RANBP17: variants seen among roughly 807,000 people sequenced by gnomAD.
The protein encoded by RANBP17 is RAN binding protein 17, also known as ran-binding protein 17.
Under a neutral mutation model 141.2 loss-of-function variants are expected in RANBP17, and 158 were observed. That is an observed-to-expected ratio of 1.12 (90% CI 0.98 to 1.28). The LOEUF (loss-of-function observed/expected upper bound fraction) is 1.28, where lower values mean the gene tolerates loss of function less well. RANBP17 is among the 50% of genes most tolerant of loss of function. The pLI, the probability that RANBP17 is intolerant of heterozygous loss-of-function variation, is 0.00. For missense variants in RANBP17, 1,438 were observed against 1,290.7 expected, an observed-to-expected ratio of 1.11 and a Z score of -1.75; for synonymous variants, 430 against 450.0, an observed-to-expected ratio of 0.96 and a Z score of 0.56.
chr5:171,199,021 A>G (rs1211597793), intron 18 of RANBP17, among the ~76,000 whole-genome samples: 1 of 152,116 alleles, frequency 6.6e-6, no homozygotes, highest in Non-Finnish European at 1.5e-5. Flanking sequence ...ACTGCAGTCT[A>G]CCTTTAAAGT....
chr5:170,933,931 T>C (rs1391808773), intron 12 of RANBP17, among the ~76,000 whole-genome samples: 4 of 152,134 alleles, frequency 2.6e-5, no homozygotes, highest in East Asian at 1.9e-4. Context: ...CTATTAGGTC[T>C]GCTTGGTGCA....
chr5:170,924,507 G>T lies in RANBP17; in HGVS notation c.1425G>T (p.Leu475=). 6.2e-7 allele frequency: 1 copy of T among 1,611,648 alleles called. No individual in the cohort carries two copies. Among genetic ancestry groups the T allele is most frequent in the Non-Finnish European group, 8.5e-7 (1 of 1,178,392 alleles). The change falls in exon 12 of 28, where the codon CTG becomes CTT. Residue 475 remains leucine, a synonymous_variant. Coordinates refer to ENST00000523189, the MANE Select transcript of RANBP17 (RefSeq NM_022897.5). ...ATGCACAGAATTACCAAAAACTTCT[G>T]CATCCATATTCTGGTGTAACTGTGG... ...DQNAQNYQKL[L]HPYSGVTVDI...
chr5:171,239,141 G>A (rs1764714836), intron 22 of RANBP17, among the ~76,000 whole-genome samples: 1 of 152,162 alleles, frequency 6.6e-6, no homozygotes, highest in Non-Finnish European at 1.5e-5. Context: ...TCATGAAAGA[G>A]GGTACAGAAT....
intron 14 of RANBP17, among the ~76,000 whole-genome samples, chr5:171,021,116 T>C (rs938687341): frequency 2.1e-4 from 32 of 152,246 alleles, no homozygotes; most frequent in African/African-American, 7.7e-4. Context: ...TCTTCTGGCT[T>C]ATAGGGTTTC....
rs1372374412 is a variant in RANBP17, at chr5:170,862,044, A to G, written c.11A>G (p.His4Arg). Residue 4 changes from histidine to arginine, a missense_variant, in exon 1 of 28, where the codon CAC becomes CGC. By Grantham distance (29) the His-to-Arg change is conservative. Coordinates refer to ENST00000523189, the MANE Select transcript of RANBP17 (RefSeq NM_022897.5). Reference protein sequence around the residue: MALHFQSLAELEVL... With the variant: MALRFQSLAELEVL... ...CCGCCTCCTGGGAAGATGGCGCTGC[A>G]CTTCCAGGTCAGTGTGCTCTGCGCC... 3.4e-6 allele frequency: 5 copies of G among 1,463,486 alleles called. No individual in the cohort carries two copies. The highest frequency in any genetic ancestry group is 2.6e-5 in the South Asian group (2 of 76,482). The allele number at this position is 1,463,486 out of a possible 1,614,324, so 90.7% of individuals were successfully genotyped here.
intron 14 of RANBP17, among the ~76,000 whole-genome samples, chr5:171,078,698 A>G (rs1338320679): frequency 1.3e-5 from 2 of 152,242 alleles, no homozygotes; most frequent in African/African-American, 4.8e-5. Context: ...TAGAAATGGA[A>G]CAGCAAAGTC....
intron 14 of RANBP17, among the ~76,000 whole-genome samples, chr5:171,155,804 T>A (rs1581753867): frequency 6.6e-6 from 1 of 152,162 alleles, no homozygotes; most frequent in East Asian, 1.9e-4. Flanking sequence ...ATTAACAAAG[T>A]TGAAATTTTG....
intron 14 of RANBP17, among the ~76,000 whole-genome samples, chr5:171,081,023 T>C (rs1474659622): frequency 6.6e-6 from 1 of 152,188 alleles, no homozygotes; most frequent in Non-Finnish European, 1.5e-5. Context: ...TTAAGGTAGA[T>C]TATTTGACCC....
rs976713970 is a variant in RANBP17, at chr5:170,914,786, A to G, written c.834+546A>G. Among the ~76,000 whole-genome samples the G allele has an allele frequency of 1.1e-4, 17 of 152,250 alleles. No individual in the cohort carries two copies. In the East Asian group the frequency reaches 2.7e-3, roughly 24 times the overall value. On this transcript the variant is annotated intron_variant, in intron 8 of 27. Transcript: ENST00000523189. ...AAAGTTCTTGATACTCTGTAGTTGTATACAACTTTGAGACTCTTAGCTCCA... is the reference window on the plus strand; with the variant it reads ...AAAGTTCTTGATACTCTGTAGTTGTGTACAACTTTGAGACTCTTAGCTCCA...
chr5:171,092,573 T>C (rs1207656146), intron 14 of RANBP17, among the ~76,000 whole-genome samples: 1 of 152,238 alleles, frequency 6.6e-6, no homozygotes, highest in African/African-American at 2.4e-5. Context: ...TGTTAAAGTC[T>C]TATTTATAAA....
At chr5:170,907,741 C>G (rs1771183495) in intron 5 of RANBP17, among the ~76,000 whole-genome samples, 2 of 151,886 alleles carry the variant, frequency 1.3e-5, no homozygotes, top group East Asian at 1.9e-4. Context: ...ATGAAGAATA[C>G]TTTATAAATT....
chr5:170,902,227 T>C (rs1340453022), intron 5 of RANBP17, among the ~76,000 whole-genome samples: 1 of 152,168 alleles, frequency 6.6e-6, no homozygotes, highest in African/African-American at 2.4e-5. Flanking sequence ...TTCCTTTTCA[T>C]TTCTTTTTCT....
intron 18 of RANBP17, among the ~76,000 whole-genome samples, chr5:171,183,682 T>G (rs1056973927): frequency 2.0e-5 from 3 of 152,266 alleles, no homozygotes; most frequent in African/African-American, 7.2e-5. Flanking sequence ...GCTTACTTTC[T>G]GCCTATCCTT....
At position 171,151,817 on chromosome 5, in the gene RANBP17, A is replaced by G. The variant is rs139981868; in HGVS notation, c.1711-18313A>G. On this transcript the variant is annotated intron_variant, in intron 14 of 27. Transcript: ENST00000523189. ...TTTGCCACCTTGACATTTCTTTTCA[A>G]TTGCCAAACCTAACTACCTTTCTTC... Among the ~76,000 whole-genome samples, 887 of 152,274 alleles carry G rather than the reference A, an allele frequency of 5.8e-3. 12 individuals carry two copies. Among genetic ancestry groups the G allele is most frequent in the African/African-American group, 0.021 (856 of 41,554 alleles).
chr5:170,961,381 T>C (rs1776140244), intron 13 of RANBP17, among the ~76,000 whole-genome samples: 1 of 152,244 alleles, frequency 6.6e-6, no homozygotes, highest in Admixed American at 6.5e-5. Flanking sequence ...TGAAATGGCA[T>C]GCTTATACTT....
chr5:171,273,438 T>G (rs942074026), intron 25 of RANBP17, among the ~76,000 whole-genome samples: 1 of 152,162 alleles, frequency 6.6e-6, no homozygotes, highest in Admixed American at 6.5e-5. Flanking sequence ...AAAACCTGAA[T>G]GAGGTAGACA....
chr5:171,089,561 G>A (rs887194625), intron 14 of RANBP17, among the ~76,000 whole-genome samples: 4 of 151,904 alleles, frequency 2.6e-5, no homozygotes, highest in Admixed American at 6.6e-5. Flanking sequence ...CCCCGGCCTC[G>A]CTGCTGCCTT....
At chr5:171,201,368 C>T (rs977416203) in intron 19 of RANBP17, among the ~76,000 whole-genome samples, 24 of 152,216 alleles carry the variant, frequency 1.6e-4, no homozygotes, top group Middle Eastern at 3.2e-3. Context: ...GTGTAGGCAA[C>T]AGCTACTGAG....
intron 14 of RANBP17, among the ~76,000 whole-genome samples, chr5:170,971,572 C>T (rs376987539): frequency 6.6e-6 from 1 of 152,150 alleles, no homozygotes; most frequent in African/African-American, 2.4e-5. Context: ...TGAATGGGCC[C>T]TTGAAACTTA....
Sources: allele counts gnomAD v4.1 joint callset (sites outside exome capture counted in the v4.1 genomes callset), GRCh38; gene constraint gnomAD v4.1.1; transcripts MANE v1.5; gene names NCBI Gene and HGNC (gene_info 2026-07-23, HGNC 2026-07-21).